Variants in FSTL5 observed in about 807,000 individuals in gnomAD.
FSTL5 encodes the protein follistatin-related protein 5.
In FSTL5, 62 loss-of-function variants were observed where a neutral mutation model predicts 89.1. The ratio of observed to expected loss-of-function variants is 0.70; its 90% CI spans 0.57 to 0.86. The LOEUF (loss-of-function observed/expected upper bound fraction) is 0.86. FSTL5 is among the 40% of genes least tolerant of loss of function. The probability of loss-of-function intolerance (pLI) is 0.00; values close to 1 mark genes in which losing one functional copy is unlikely to be tolerated. For synonymous variants in FSTL5, 383 were observed against 346.2 expected (o/e 1.11, Z -1.18); for missense variants, 1,057 against 1,001.6 (o/e 1.06, Z -0.75).
chr4:161,943,330 A>G (rs1183513957), intron 3 of FSTL5, among the ~76,000 whole-genome samples: 1 of 151,812 alleles, frequency 6.6e-6, no homozygotes, highest in African/African-American at 2.4e-5. Flanking sequence ...GCTTACAAAC[A>G]GTATACTTGT....
intron 1 of FSTL5, among the ~76,000 whole-genome samples, chr4:162,119,510 CT>C (rs899223303): frequency 6.6e-6 from 1 of 152,054 alleles, no homozygotes; most frequent in African/African-American, 2.4e-5. Flanking sequence ...TTTTTCAGTT[CT>C]TTTTTACAGA....
chr4:161,421,754 A>G (rs1012072351), intron 15 of FSTL5, among the ~76,000 whole-genome samples: 25 of 152,158 alleles, frequency 1.6e-4, no homozygotes, highest in African/African-American at 5.8e-4. Flanking sequence ...AACAAAAAGG[A>G]GGAGGGAGCT....
At chr4:161,787,624 C>T (rs890363321) in intron 4 of FSTL5, among the ~76,000 whole-genome samples, 22 of 152,034 alleles carry the variant, frequency 1.4e-4, no homozygotes, top group African/African-American at 4.8e-4. Context: ...GAAAAAGAGA[C>T]GTTGCTCTTC....
At chr4:162,008,738 G>C (rs1390882428) in intron 3 of FSTL5, among the ~76,000 whole-genome samples, 7 of 151,860 alleles carry the variant, frequency 4.6e-5, no homozygotes, top group Non-Finnish European at 4.4e-5. Flanking sequence ...ATCTCCTTTA[G>C]CATAAATGAC....
chr4:162,050,014 A>C (rs1479262025), intron 2 of FSTL5, among the ~76,000 whole-genome samples: 2 of 151,968 alleles, frequency 1.3e-5, no homozygotes, highest in Non-Finnish European at 2.9e-5. Flanking sequence ...CTTGAAAGAA[A>C]GAACATATAT....
Position 161,600,731 on chromosome 4 carries a change from C to T in FSTL5, c.895-13156G>A, listed in dbSNP as rs558714746. Reference sequence around the variant, plus strand: ...TGGTTTCATCAAAAATATTCATAATCGAATGGCCCAAAAAACCTAAAATCC... The same window carrying T: ...TGGTTTCATCAAAAATATTCATAATTGAATGGCCCAAAAAACCTAAAATCC... On this transcript the variant is annotated intron_variant, in intron 7 of 15. Transcript: ENST00000306100. Among the ~76,000 whole-genome samples the T allele has an allele frequency of 5.3e-5, 8 of 152,142 alleles. No individual in the cohort carries two copies. In the East Asian group the frequency reaches 9.7e-4, roughly 18 times the overall value.
At chr4:161,899,534 C>G (rs570499870) in intron 4 of FSTL5, among the ~76,000 whole-genome samples, 31 of 152,182 alleles carry the variant, frequency 2.0e-4, no homozygotes, top group Non-Finnish European at 4.1e-4. Context: ...AGTGAACTGC[C>G]AGGGAGCTGC....
intron 7 of FSTL5, among the ~76,000 whole-genome samples, chr4:161,613,509 T>C (rs985609278): frequency 1.1e-4 from 16 of 150,640 alleles, no homozygotes; most frequent in African/African-American, 3.9e-4. Context: ...GTTGGTAAGG[T>C]TGATGATGGT....
chr4:161,847,881 CAA>C (rs1222674681), intron 4 of FSTL5, among the ~76,000 whole-genome samples: 1 of 151,248 alleles, frequency 6.6e-6, no homozygotes, highest in Non-Finnish European at 1.5e-5. Context: ...ACTAAAAATA[CAA>C]AAATTATCTG....
intron 13 of FSTL5, among the ~76,000 whole-genome samples, chr4:161,468,908 T>C (rs909149119): frequency 2.6e-5 from 4 of 152,172 alleles, no homozygotes; most frequent in African/African-American, 9.7e-5. Flanking sequence ...ATTTTTTTCA[T>C]TTTTTAAAAC....
At chr4:161,615,762 A>T (rs1734845336) in intron 7 of FSTL5, among the ~76,000 whole-genome samples, 1 of 152,170 alleles carries the variant, frequency 6.6e-6, no homozygotes, top group Non-Finnish European at 1.5e-5. Context: ...ACTATATAAA[A>T]TAAACATTAG....
intron 6 of FSTL5, among the ~76,000 whole-genome samples, chr4:161,659,667 T>C (rs187884257): frequency 4.2e-4 from 64 of 152,252 alleles, no homozygotes; most frequent in African/African-American, 1.4e-3. Context: ...GTAATCCAAT[T>C]TAAAAACGAT....
At chr4:161,975,764 TAAAA>T (rs1430081302) in intron 3 of FSTL5, among the ~76,000 whole-genome samples, 4 of 133,298 alleles carry the variant, frequency 3.0e-5, no homozygotes, top group African/African-American at 1.3e-4. Flanking sequence ...AAAAATAAAA[TAAAA>T]TAAAATAAAA....
chr4:161,523,543 G>T (rs2126519289), intron 10 of FSTL5, among the ~76,000 whole-genome samples: 1 of 152,252 alleles, frequency 6.6e-6, no homozygotes, highest in African/African-American at 2.4e-5. Flanking sequence ...GAATGCACTG[G>T]TTTTATTCCT....
At chr4:161,761,110 G>T (rs1740777062) in intron 5 of FSTL5, among the ~76,000 whole-genome samples, 1 of 152,066 alleles carries the variant, frequency 6.6e-6, no homozygotes, top group South Asian at 2.1e-4. Context: ...TTGTTACCTT[G>T]AGGAAGAAAA....
At chr4:162,136,710 T>C (rs1262784437) in intron 1 of FSTL5, among the ~76,000 whole-genome samples, 1 of 152,068 alleles carries the variant, frequency 6.6e-6, no homozygotes, top group African/African-American at 2.4e-5. Context: ...AACTATATTA[T>C]CCAAAGTGTA....
chr4:162,075,686 T>G (rs896119244), intron 2 of FSTL5, among the ~76,000 whole-genome samples: 1 of 151,900 alleles, frequency 6.6e-6, no homozygotes, highest in Non-Finnish European at 1.5e-5. Flanking sequence ...CTATTACTAA[T>G]AGTAGAGCAG....
chr4:161,978,717 T>C (rs1578912691), intron 3 of FSTL5, among the ~76,000 whole-genome samples: 1 of 152,216 alleles, frequency 6.6e-6, no homozygotes, highest in Middle Eastern at 3.4e-3. Context: ...TCCCTTTGTG[T>C]TTCAGTATGT....
chr4:162,153,712 G>GTATATAATAATATGTATATTATATATA (rs1561048972), intron 1 of FSTL5, among the ~76,000 whole-genome samples: 47 of 126,904 alleles, frequency 3.7e-4, no homozygotes, highest in Non-Finnish European at 6.4e-4. Flanking sequence ...TATTATATAT[G>GTATATAATAATATGTATATTATATATA]TATATAATAA....
Sources: allele counts gnomAD v4.1 joint callset (sites outside exome capture counted in the v4.1 genomes callset), GRCh38; gene constraint gnomAD v4.1.1; transcripts MANE v1.5; gene names NCBI Gene and HGNC (gene_info 2026-07-23, HGNC 2026-07-21).